HMGB3: variants seen among roughly 807,000 people sequenced by gnomAD.
HMGB3 encodes the protein high mobility group box 3, also known as high mobility group protein B3.
Under a neutral mutation model 12.9 loss-of-function variants are expected in HMGB3, and 1 was observed. That is an observed-to-expected ratio of 0.08 (90% CI 0.03 to 0.37). HMGB3 has a LOEUF of 0.37. HMGB3 is among the 10% of genes least tolerant of loss of function. HMGB3 has a pLI of 0.99. For missense variants in HMGB3, 74 were observed against 153.3 expected, an observed-to-expected ratio of 0.48 and a Z score of 2.73; for synonymous variants, 61 against 53.9, an observed-to-expected ratio of 1.13 and a Z score of -0.57.
chrX:150,985,511 C>T, intron 1 of HMGB3, 84 bp from the exon 2 acceptor site: 1 of 761,813 alleles, frequency 1.3e-6, no homozygotes, highest in Admixed American at 3.3e-5. Flanking sequence ...TTTAGTTTTG[C>T]TCTGCCTTTG....
chrX:150,987,486 A>T (rs1180353053), intron 4 of HMGB3, among the ~76,000 whole-genome samples, 184 bp downstream of exon 4: 4 of 110,917 alleles, frequency 3.6e-5, no homozygotes, highest in South Asian at 7.7e-4. Context: ...TGTTTTGGGG[A>T]CAACTTCAGG....
Position 150,989,699 on chromosome X carries a change from A to C in HMGB3, c.*1785A>C, listed in dbSNP as rs1557425343. The C allele has an allele frequency of 9.0e-6, 1 of 111,673 alleles. No homozygotes were observed. Among genetic ancestry groups the C allele is most frequent in the Admixed American group, 9.5e-5 (1 of 10,493 alleles). 9.2% of individuals were successfully genotyped at this position (111,673 alleles called of 1,213,427 possible). On this transcript the variant is annotated 3_prime_UTR_variant, in exon 5 of 5. Transcript: ENST00000325307. ...TACTGTGTTGTGGGTGAGTGTTGCT[A>C]TTGCCCAGCATTAATATTTGGGTGT...
In HMGB3 at chrX:150,988,043, G is replaced by T; in HGVS notation, c.*129G>T. 1.1e-6 allele frequency: 1 copy of T among 900,034 alleles called. No homozygotes were observed. Among genetic ancestry groups the T allele is most frequent in the Non-Finnish European group, 1.5e-6 (1 of 660,783 alleles). The allele number at this position is 900,034 out of a possible 1,213,427, so 74.2% of individuals were successfully genotyped here. On this transcript the variant is annotated 3_prime_UTR_variant, in exon 5 of 5. Coordinates refer to ENST00000325307, the MANE Select transcript of HMGB3 (RefSeq NM_005342.4). The stretch of plus-strand genomic sequence containing the variant: ...TACAAAATTTGATCACGATCATATT[G>T]TAGTCTCTCAAAGTGCTCTAGAAAT...
intron 2 of HMGB3, 28 bp downstream of exon 2, chrX:150,985,777 A>T: frequency 8.5e-7 from 1 of 1,173,206 alleles, no homozygotes; most frequent in Non-Finnish European, 1.2e-6. Flanking sequence ...CCTTCAAACT[A>T]GTCTTAGTTG....
Position 150,988,120 on chromosome X carries a change from G to A in HMGB3, c.*206G>A, listed in dbSNP as rs1557425306. The A allele has an allele frequency of 2.5e-6, 1 of 401,718 alleles. No individual in the cohort carries two copies. The highest frequency in any genetic ancestry group is 2.5e-5 in the African/African-American group (1 of 40,726). The allele number at this position is 401,718 out of a possible 1,213,427, so 33.1% of individuals were successfully genotyped here. A position where few individuals can be genotyped will look rare whatever the true frequency, so the allele number is the denominator to read the frequency against. ...TGGGTGTCTGGAGCACCCTGAAACT[G>A]TATCAAAGTTGTACATATTTCCAAA... is the stretch of plus-strand genomic sequence containing the variant. On this transcript the variant is annotated 3_prime_UTR_variant, in exon 5 of 5. Coordinates refer to ENST00000325307, the MANE Select transcript of HMGB3 (RefSeq NM_005342.4).
chrX:150,984,346 T>C (rs868971778), intron 1 of HMGB3, among the ~76,000 whole-genome samples: 1 of 49,283 alleles, frequency 2.0e-5, no homozygotes, highest in African/African-American at 7.1e-5. Context: ...CGGGGCGGGG[T>C]GGGGGCCGAC....
chrX:150,988,638 A>C lies in HMGB3; in HGVS notation c.*724A>C, dbSNP rs906066088. 7 of 112,356 alleles carry C rather than the reference A, an allele frequency of 6.2e-5. No individual in the cohort carries two copies. Among genetic ancestry groups the C allele is most frequent in the African/African-American group, 2.3e-4 (7 of 30,820 alleles). The allele number at this position is 112,356 out of a possible 1,213,427, so 9.3% of individuals were successfully genotyped here. A position where few individuals can be genotyped will look rare whatever the true frequency, so the allele number is the denominator to read the frequency against. On this transcript the variant is annotated 3_prime_UTR_variant, in exon 5 of 5. Transcript: ENST00000325307. The stretch of plus-strand genomic sequence containing the variant: ...ACTCTTCATTGTCAGCAAAGCAAAG[A>C]GTCACTGCATCAATGAAAGTTCAAG...
intron 3 of HMGB3, 47 bp downstream of exon 3, chrX:150,986,237 GC>G (rs782799175): frequency 1.9e-6 from 2 of 1,037,905 alleles, no homozygotes; most frequent in Non-Finnish European, 2.5e-6. Flanking sequence ...CTTTTCTTCT[GC>G]TTGGAGGATT....
upstream of HMGB3, among the ~76,000 whole-genome samples, chrX:150,981,327 G>A (rs906782327): frequency 3.7e-5 from 4 of 107,053 alleles, no homozygotes; most frequent in South Asian, 8.8e-4. Flanking sequence ...TATGCAAGCA[G>A]AAGGCAGGCA....
Position 150,986,200 on chromosome X carries a change from T to C in HMGB3, c.290+10T>C. The C allele has an allele frequency of 8.6e-7, 1 of 1,159,050 alleles. No individual in the cohort carries two copies. ...CTCCCAAAAGGCCACCGTAAGTGAC[T>C]ATAGGATTCAAGATAACAATTAATA... On this transcript the variant is annotated intron_variant, in intron 3 of 4. Transcript: ENST00000325307.
chrX:150,983,227 C>T (rs1278384874), upstream of HMGB3: 3 of 700,658 alleles, frequency 4.3e-6, no homozygotes, highest in Non-Finnish European at 5.1e-6. Context: ...ATGCATGAGG[C>T]CCGCAGCCAA....
Position 150,988,147 on chromosome X carries a change from A to G in HMGB3, c.*233A>G, listed in dbSNP as rs1425112778. The G allele has an allele frequency of 1.2e-5, 4 of 338,647 alleles. No individual in the cohort carries two copies. Among genetic ancestry groups the G allele is most frequent in the Non-Finnish European group, 2.1e-5 (4 of 192,740 alleles). The allele number at this position is 338,647 out of a possible 1,213,427, so 27.9% of individuals were successfully genotyped here. A position where few individuals can be genotyped will look rare whatever the true frequency, so the allele number is the denominator to read the frequency against. On this transcript the variant is annotated 3_prime_UTR_variant, in exon 5 of 5. Transcript: ENST00000325307. ...ATCAAAGTTGTACATATTTCCAAACATTTTTAAAATGAAAAGGCACTCTCG... is the reference window on the plus strand; with the variant it reads ...ATCAAAGTTGTACATATTTCCAAACGTTTTTAAAATGAAAAGGCACTCTCG...
chrX:150,985,125 T>C (rs2048038911), intron 1 of HMGB3, among the ~76,000 whole-genome samples: 1 of 111,758 alleles, frequency 8.9e-6, no homozygotes, highest in Non-Finnish European at 1.9e-5. Flanking sequence ...TCTCCTGCTT[T>C]GGTCTTGTGT....
At chrX:150,983,626 C>T (rs1257413567) in intron 1 of HMGB3, 9 of 747,089 alleles carry the variant, frequency 1.2e-5, no homozygotes, top group Non-Finnish European at 1.4e-5. Flanking sequence ...CCCCGAGCTC[C>T]CCGCTTTCGG....
chrX:150,986,251 GT>G (rs1221555539), intron 3 of HMGB3, 61 bp downstream of exon 3: 32 of 950,059 alleles, frequency 3.4e-5, no homozygotes, highest in African/African-American at 4.1e-5. Context: ...GGAGGATTTG[GT>G]TTTTTGGTCG....
chrX:150,987,804 A>C lies in HMGB3; in HGVS notation c.493A>C (p.Lys165Gln). Residue 165 changes from lysine to glutamine, a missense_variant, in exon 5 of 5, where the codon AAG becomes CAG. By Grantham distance (53) the Lys-to-Gln change is moderately conservative (BLOSUM62 1). Around this residue, in one of 2 missense-constraint regions of HMGB3, gnomAD observed 29 missense variants for 29.5 expected, o/e 0.98. Transcript: ENST00000325307. ...KDVADYKSKG[K>Q]FDGAKGPAKV... ...TGTTGCTGACTATAAGTCGAAAGGA[A>C]AGTTTGATGGTGCAAAGGGTCCTGC... 1.7e-6 allele frequency: 2 copies of C among 1,207,280 alleles called. No homozygotes were observed. The highest frequency in any genetic ancestry group is 1.7e-5 in the African/African-American group (1 of 57,599).
Position 150,988,186 on chromosome X carries a change from CTG to C in HMGB3, c.*275_*276del. 3 of 259,295 alleles carry C rather than the reference CTG, an allele frequency of 1.2e-5. No homozygotes were observed. Among genetic ancestry groups the C allele is most frequent in the Non-Finnish European group, 1.4e-5 (2 of 143,879 alleles). The allele number at this position is 259,295 out of a possible 1,213,427, so 21.4% of individuals were successfully genotyped here. A position where few individuals can be genotyped will look rare whatever the true frequency, so the allele number is the denominator to read the frequency against. ...AAGGCACTCTCGTGTTCTCCTCACTCTGTGCACTTTGCTGTTGGTGTGACAAG... is the reference window on the plus strand; with the variant it reads ...AAGGCACTCTCGTGTTCTCCTCACTCTGCACTTTGCTGTTGGTGTGACAAG... On this transcript the variant is annotated 3_prime_UTR_variant, in exon 5 of 5. Coordinates refer to ENST00000325307, the MANE Select transcript of HMGB3 (RefSeq NM_005342.4).
At chrX:150,983,146 G>A, upstream of HMGB3, 5 of 305,218 alleles carry the variant, frequency 1.6e-5, 1 homozygote, top group South Asian at 7.7e-4. Flanking sequence ...CGTAGCCGGC[G>A]CCGGCGGGTC....
At position 150,989,644 on chromosome X, in the gene HMGB3, C is replaced by T. The variant is rs1557425342; in HGVS notation, c.*1730C>T. The T allele has an allele frequency of 1.8e-5, 2 of 111,450 alleles. No individual in the cohort carries two copies. Among genetic ancestry groups the T allele is most frequent in the Non-Finnish European group, 3.8e-5 (2 of 53,105 alleles). The allele number at this position is 111,450 out of a possible 1,213,427, so 9.2% of individuals were successfully genotyped here. Reference sequence around the variant, plus strand: ...TTTGAAGGCTGATGTGTATATACATCATTACTGTCCGTAGCAATGAAGGAT... The same window carrying T: ...TTTGAAGGCTGATGTGTATATACATTATTACTGTCCGTAGCAATGAAGGAT... On this transcript the variant is annotated 3_prime_UTR_variant, in exon 5 of 5. Coordinates refer to ENST00000325307, the MANE Select transcript of HMGB3 (RefSeq NM_005342.4).
Sources: gnomAD v4.1 joint callset for allele counts (sites outside exome capture counted in the v4.1 genomes callset) on GRCh38, gnomAD v4.1.1 for gene constraint, gnomAD v4.1.1 regional missense constraint, MANE v1.5 for transcripts, NCBI Gene and HGNC (gene_info 2026-07-23, HGNC 2026-07-21) for gene names.